Variants in JMJD6 observed in about 807,000 individuals in gnomAD.
JMJD6 encodes the protein jumonji domain containing 6, arginine demethylase and lysine hydroxylase.
A neutral mutation model predicts 45.8 loss-of-function variants in JMJD6; 17 were observed. That is an observed-to-expected ratio of 0.37 (90% CI 0.25 to 0.56). The LOEUF (loss-of-function observed/expected upper bound fraction) is 0.56. JMJD6 is among the 20% of genes least tolerant of loss of function. The pLI is 0.79. For synonymous variants in JMJD6, 221 were observed against 196.3 expected, an observed-to-expected ratio of 1.13 and a Z score of -1.05; for missense variants, 470 against 517.5, an observed-to-expected ratio of 0.91 and a Z score of 0.89.
intron 4 of JMJD6, chr17:76,721,248 G>C (rs1306730715): frequency 2.5e-6 from 1 of 400,580 alleles, no homozygotes; most frequent in Admixed American, 2.6e-5. Flanking sequence ...GAACAAGCCA[G>C]AATCCCTCTC....
Position 76,725,742 on chromosome 17 carries a change from C to A in JMJD6, c.243G>T (p.Ala81=). 2 of 1,614,138 alleles carry A rather than the reference C, an allele frequency of 1.2e-6. No homozygotes were observed. The highest frequency in any genetic ancestry group is 2.7e-5 in the African/African-American group (2 of 75,014). The change falls in exon 2 of 6, where the codon GCG becomes GCT. Residue 81 remains alanine (A), a synonymous_variant. Transcript: ENST00000397625. ...VLLNAQEGWS[A]QEKWTLERLK... Reference sequence around the variant, plus strand: ...GGCGCTCCAGAGTCCATTTCTCCTGCGCAGACCAGCCCTCTTGCGCATTCA... The same window carrying A: ...GGCGCTCCAGAGTCCATTTCTCCTGAGCAGACCAGCCCTCTTGCGCATTCA...
rs750421340 is a variant in JMJD6, at chr17:76,720,503, G to A, written c.942-5C>T. The A allele has an allele frequency of 6.2e-6, 10 of 1,613,810 alleles. No homozygotes were observed. The East Asian group carries it at 6.7e-5, about 11-fold the overall frequency. ...GGGTGCTCTTGCTTCAAAATCCTGA[G>A]AGGCAAGAAGTGTTGTTCTCAGTGC... On this transcript the variant is annotated splice_region_variant and splice_polypyrimidine_tract_variant and intron_variant, in intron 4 of 5. Coordinates refer to ENST00000397625, the MANE Select transcript of JMJD6 (RefSeq NM_015167.3).
downstream of JMJD6, among the ~76,000 whole-genome samples, chr17:76,717,650 C>T (rs1420432184): frequency 6.6e-6 from 1 of 151,686 alleles, no homozygotes; most frequent in African/African-American, 2.4e-5. Flanking sequence ...GAGTTCAAGA[C>T]CAGCCTGGGC....
At chr17:76,722,595 T>A (rs964020527) in intron 3 of JMJD6, among the ~76,000 whole-genome samples, 4 of 151,924 alleles carry the variant, frequency 2.6e-5, no homozygotes, top group African/African-American at 9.7e-5. Flanking sequence ...CCTGTAATCC[T>A]AGCACTTTGG....
chr17:76,720,573 C>T, intron 4 of JMJD6, 75 bp from the exon 5 acceptor site: 1 of 1,485,910 alleles, frequency 6.7e-7, no homozygotes, highest in South Asian at 1.1e-5. Flanking sequence ...AGAGTCGAGG[C>T]CTGTGTCTCT....
chr17:76,716,644 AG>A (rs757487725), downstream of JMJD6: 6 of 1,607,160 alleles, frequency 3.7e-6, no homozygotes, highest in Admixed American at 1.0e-4. Context: ...GGCTGCCAAA[AG>A]CTTACGCTGA....
At chr17:76,719,400 C>G (rs931643126) in intron 5 of JMJD6, among the ~76,000 whole-genome samples, 1 of 152,120 alleles carries the variant, frequency 6.6e-6, no homozygotes, top group Non-Finnish European at 1.5e-5. Flanking sequence ...GTGATTCTCC[C>G]ACCTCAGCCT....
At position 76,722,917 on chromosome 17, in the gene JMJD6, A is replaced by ACAAAGACAATAAGTAACTACTG. The variant is rs71158059; in HGVS notation, c.805+854_805+855insCAGTAGTTACTTATTGTCTTTG. ...AACACAAACAAGCCGCTACACATACACAAACAAAGAAAAGTTGTATCTTTA... is the reference window on the plus strand; with the variant it reads ...AACACAAACAAGCCGCTACACATACACAAAGACAATAAGTAACTACTGCAAACAAAGAAAAGTTGTATCTTTA... On this transcript the variant is annotated intron_variant, in intron 3 of 5. Coordinates refer to ENST00000397625, the MANE Select transcript of JMJD6 (RefSeq NM_015167.3). Among the ~76,000 whole-genome samples the ACAAAGACAATAAGTAACTACTG allele has an allele frequency of 9.5e-5, 13 of 136,920 alleles. No homozygotes were observed. The South Asian group carries it at 2.4e-3, about 26-fold the overall frequency. 89.8% of individuals were successfully genotyped at this position (136,920 alleles called of 152,430 possible).
intron 2 of JMJD6, among the ~76,000 whole-genome samples, chr17:76,724,345 C>T (rs2076870140): frequency 1.3e-5 from 2 of 151,844 alleles, no homozygotes; most frequent in African/African-American, 4.8e-5. Context: ...TGGTCTCGAA[C>T]TCCTGGCCTC....
downstream of JMJD6, chr17:76,716,707 A>G (rs2076767005): frequency 6.2e-7 from 1 of 1,614,042 alleles, no homozygotes; most frequent in Admixed American, 1.7e-5. Context: ...CCCGGCCTCC[A>G]CAAGTGTCCC....
Position 76,718,536 on chromosome 17 carries a change from C to T in JMJD6, c.*193G>A, listed in dbSNP as rs2076784809. 10 of 1,375,848 alleles carry T rather than the reference C, an allele frequency of 7.3e-6. No individual in the cohort carries two copies. The highest frequency in any genetic ancestry group is 1.7e-5 in the South Asian group (1 of 57,584). The allele number at this position is 1,375,848 out of a possible 1,614,324, so 85.2% of individuals were successfully genotyped here. ...TCTCTTGCCTGAGTAAAACAAGCCG[C>T]GTTTATCTGCATTGGTAGCAGAGGG... On this transcript the variant is annotated 3_prime_UTR_variant, in exon 6 of 6. Coordinates refer to ENST00000397625, the MANE Select transcript of JMJD6 (RefSeq NM_015167.3).
Position 76,724,178 on chromosome 17 carries a change from T to C in JMJD6, c.519-120A>G, listed in dbSNP as rs1240698018. On this transcript the variant is annotated intron_variant, in intron 2 of 5. Coordinates refer to ENST00000397625, the MANE Select transcript of JMJD6 (RefSeq NM_015167.3). ...CTCTATCACCCAGGCTGGAATGCAGTGGCGTGATCTTGGCTGACAGTAACC... is the reference window on the plus strand; with the variant it reads ...CTCTATCACCCAGGCTGGAATGCAGCGGCGTGATCTTGGCTGACAGTAACC... The C allele has an allele frequency of 1.5e-5, 16 of 1,079,980 alleles. No homozygotes were observed. The Admixed American group carries it at 2.2e-4, about 15-fold the overall frequency. 66.9% of individuals were successfully genotyped at this position (1,079,980 alleles called of 1,614,324 possible). A position where few individuals can be genotyped will look rare whatever the true frequency, so the allele number is the denominator to read the frequency against.
chr17:76,717,066 C>T (rs1049084585), downstream of JMJD6, among the ~76,000 whole-genome samples: 3 of 152,072 alleles, frequency 2.0e-5, no homozygotes, highest in East Asian at 5.8e-4. Context: ...GAATGGAGGC[C>T]ACGCGATAGG....
chr17:76,725,482 C>A lies in JMJD6; in HGVS notation c.503G>T (p.Arg168Leu). 1 of 1,610,310 alleles carries A rather than the reference C, an allele frequency of 6.2e-7. No homozygotes were observed. Among genetic ancestry groups the A allele is most frequent in the Admixed American group, 1.7e-5 (1 of 59,316 alleles). ...DDLFQYAGEK[R>L]RPPYRWFVMG... ...AATACTTTACCTGTAAGGGGGCCTGCGCTTCTCCCCAGCATACTGGAAAAG... is the reference window on the plus strand; with the variant it reads ...AATACTTTACCTGTAAGGGGGCCTGAGCTTCTCCCCAGCATACTGGAAAAG... Residue 168 changes from arginine (R) to leucine (L), a missense_variant, in exon 2 of 6, where the codon CGC (arginine) becomes CTC (leucine). Physicochemically the swap from Arg to Leu is moderately radical, Grantham distance 102. Transcript: ENST00000397625.
downstream of JMJD6, chr17:76,716,797 A>G: frequency 6.5e-7 from 1 of 1,538,028 alleles, no homozygotes; most frequent in Non-Finnish European, 9.0e-7. Context: ...AGGCAATGTT[A>G]AAAGCAGGAC....
rs1013421986 is a variant in JMJD6 at position 76,726,211 on chromosome 17, A to G, written c.129+136T>C. 22 of 1,247,426 alleles carry G rather than the reference A, an allele frequency of 1.8e-5. No homozygotes were observed. In the African/African-American group the frequency reaches 3.2e-4, roughly 18 times the overall value. The allele number at this position is 1,247,426 out of a possible 1,614,324, so 77.3% of individuals were successfully genotyped here. On this transcript the variant is annotated intron_variant, in intron 1 of 5. Coordinates refer to ENST00000397625, the MANE Select transcript of JMJD6 (RefSeq NM_015167.3). ...CCGGAATCCGCGCCTCGGGGACCCC[A>G]AACTCCGCGGGGTGCGGGTGAGCCT...
At chr17:76,720,093 C>T (rs926818756) in intron 5 of JMJD6, among the ~76,000 whole-genome samples, 7 of 152,114 alleles carry the variant, frequency 4.6e-5, no homozygotes, top group African/African-American at 1.4e-4. Flanking sequence ...TACAGTGAGC[C>T]GAGATCGCGC....
rs192780785 is a variant in JMJD6, at chr17:76,725,325, G to C, written c.518+142C>G. ...GGAGGCTGAGGCAGGAGAAGCGCTT[G>C]AACTCGGGAGATGGAGGTTGCTGTG... On this transcript the variant is annotated intron_variant, in intron 2 of 5. Coordinates refer to ENST00000397625, the MANE Select transcript of JMJD6 (RefSeq NM_015167.3). The C allele has an allele frequency of 1.8e-3, 1,324 of 751,976 alleles. 3 individuals are homozygous for C. Among genetic ancestry groups the C allele is most frequent in the Non-Finnish European group, 2.5e-3 (1,221 of 492,644 alleles). The allele number at this position is 751,976 out of a possible 1,614,324, so 46.6% of individuals were successfully genotyped here.
downstream of JMJD6, chr17:76,715,593 CCTGCCTGTGAACA>C (rs1222966540): frequency 6.6e-6 from 1 of 152,224 alleles, no homozygotes; most frequent in East Asian, 1.9e-4. Context: ...ACACAGCCTC[CCTGCCTGTGAACA>C]CTGCAGTGAG....
Sources: allele counts gnomAD v4.1 joint callset (sites outside exome capture counted in the v4.1 genomes callset), GRCh38; gene constraint gnomAD v4.1.1; transcripts MANE v1.5; gene names NCBI Gene and HGNC (gene_info 2026-07-23, HGNC 2026-07-21).